The following DRD1 variants were observed in gnomAD, a reference collection of about 807,000 sequenced individuals.
DRD1 encodes the protein D(1A) dopamine receptor.
DRD1 carries 2 observed loss-of-function variants against 23.8 expected under a neutral mutation model. The ratio of observed to expected loss-of-function variants is 0.08; its 90% CI spans 0.03 to 0.26. The LOEUF is 0.26. Among genes scored for constraint, DRD1 ranks in the 10% least tolerant of loss-of-function variants. The pLI, the probability that DRD1 is intolerant of heterozygous loss-of-function variation, is 1.00. For synonymous variants in DRD1, 218 were observed against 225.7 expected, an observed-to-expected ratio of 0.97 and a Z score of 0.30; for missense variants, 376 against 559.0, an observed-to-expected ratio of 0.67 and a Z score of 3.30.
Position 175,441,390 on chromosome 5 carries a change from C to T in DRD1, c.*369G>A, listed in dbSNP as rs1758515812. The T allele has an allele frequency of 5.6e-6, 1 of 178,388 alleles. No individual in the cohort carries two copies. The highest frequency in any genetic ancestry group is 1.2e-5 in the Non-Finnish European group (1 of 83,802). 11.1% of individuals were successfully genotyped at this position (178,388 alleles called of 1,614,324 possible). On this transcript the variant is annotated 3_prime_UTR_variant, in exon 2 of 2. Transcript: ENST00000393752. ...AACAGTGTTAGCACCTGTTTGTATA[C>T]AGCAAACTCAACCCATCTCATTTTC...
At position 175,442,389 on chromosome 5, in the gene DRD1, G is replaced by T. The variant is rs777655360; in HGVS notation, c.711C>A (p.His237Gln). 7 of 1,614,050 alleles carry T rather than the reference G, an allele frequency of 4.3e-6. No individual in the cohort carries two copies. Among genetic ancestry groups the T allele is most frequent in the Non-Finnish European group, 5.9e-6 (7 of 1,180,038 alleles). Residue 237 changes from histidine to glutamine, a missense_variant, in exon 2 of 2, where the codon CAC (histidine) becomes CAA (glutamine). Coordinates refer to ENST00000393752, the MANE Select transcript of DRD1 (RefSeq NM_000794.5). The surrounding 1 kb of genome is among the most constrained non-coding windows in gnomAD (Gnocchi z 7.3). ...RIAALERAAV[H>Q]AKNCQTTTGN... Reference sequence around the variant, plus strand: ...CTGTGGTGGTCTGGCAATTCTTGGCGTGGACTGCTGCCCTCTCCAAGGCCG... The same window carrying T: ...CTGTGGTGGTCTGGCAATTCTTGGCTTGGACTGCTGCCCTCTCCAAGGCCG...
chr5:175,441,530 T>C lies in DRD1; in HGVS notation c.*229A>G. 1 of 441,746 alleles carries C rather than the reference T, an allele frequency of 2.3e-6. No individual in the cohort carries two copies. The highest frequency in any genetic ancestry group is 3.9e-6 in the Non-Finnish European group (1 of 256,586). 27.4% of individuals were successfully genotyped at this position (441,746 alleles called of 1,614,324 possible). A position where few individuals can be genotyped will look rare whatever the true frequency, so the allele number is the denominator to read the frequency against. The stretch of plus-strand genomic sequence containing the variant: ...AAACAATTCTGAAGCCAAAGACATG[T>C]CCCTTATGGCTCCCCATGTTTGTAG... On this transcript the variant is annotated 3_prime_UTR_variant, in exon 2 of 2. Transcript: ENST00000393752.
rs1254765897 is a variant in DRD1, at chr5:175,440,939, G to A, written c.*820C>T. 1.3e-5 allele frequency: 2 copies of A among 152,474 alleles called. No homozygotes were observed. The highest frequency in any genetic ancestry group is 2.9e-5 in the Non-Finnish European group (2 of 68,018). The allele number at this position is 152,474 out of a possible 1,614,324, so 9.4% of individuals were successfully genotyped here. ...TTTTCAGAAAAAGAAAGCATTTATA[G>A]CATTTGTCAATTCTCACCTTGCATT... On this transcript the variant is annotated 3_prime_UTR_variant, in exon 2 of 2. Transcript: ENST00000393752.
Position 175,442,128 on chromosome 5 carries a change from T to C in DRD1, c.972A>G (p.Ser324=). Residue 324 remains serine, a synonymous_variant, in exon 2 of 2, where the codon TCA becomes TCG. Transcript: ENST00000393752. The surrounding 1 kb of genome is among the most constrained non-coding windows in gnomAD (Gnocchi z 7.3). ...AGGCATAAATGATGGGGTTCAAGGA[T>C]GAATTAGCCCACCCAAACCACACAA... is the stretch of plus-strand genomic sequence containing the variant. The part of the protein sequence containing the change: ...DVFVWFGWAN[S]SLNPIIYAFN... 4.3e-6 allele frequency: 7 copies of C among 1,614,114 alleles called. No homozygotes were observed. In the South Asian group the frequency reaches 6.6e-5, roughly 15 times the overall value.
Position 175,443,042 on chromosome 5 carries a change from A to C in DRD1, c.58T>G (p.Phe20Val). 1 of 1,614,190 alleles carries C rather than the reference A, an allele frequency of 6.2e-7. No individual in the cohort carries two copies. Among genetic ancestry groups the C allele is most frequent in the Non-Finnish European group, 8.5e-7 (1 of 1,180,026 alleles). Residue 20 changes from phenylalanine to valine, a missense_variant, in exon 2 of 2, where the codon TTC becomes GTC. Physicochemically the swap from Phe to Val is conservative, Grantham distance 50 (BLOSUM62 -1). Around this residue, in one of 5 missense-constraint regions of DRD1, gnomAD observed 47 missense variants for 39.4 expected, o/e 1.19. Transcript: ENST00000393752. ...DGTGLVVERD[F>V]SVRILTACFL... ...CAGGCAGTGAGGATACGAACAGAGA[A>C]GTCCCTCTCCACCACCAGCCCAGTC...
rs748030620 is a variant in DRD1 at position 175,442,980 on chromosome 5, C to T, written c.120G>A (p.Gly40=). The T allele has an allele frequency of 1.8e-5, 29 of 1,613,960 alleles. No individual in the cohort carries two copies. Among genetic ancestry groups the T allele is most frequent in the Non-Finnish European group, 2.4e-5 (28 of 1,180,036 alleles). ...TAACGGCAGCACAGACCAGCGTGTTCCCCAGGAGCGTGGACAGGATGAGCA... is the reference window on the plus strand; with the variant it reads ...TAACGGCAGCACAGACCAGCGTGTTTCCCAGGAGCGTGGACAGGATGAGCA... ...LSLLILSTLL[G]NTLVCAAVIR... is the part of the protein sequence containing the mutation. The change falls in exon 2 of 2, where the codon GGG becomes GGA. Residue 40 remains glycine (G), a synonymous_variant. Coordinates refer to ENST00000393752, the MANE Select transcript of DRD1 (RefSeq NM_000794.5). This position sits in a 1 kb window ranked among gnomAD's most constrained non-coding sequence, Gnocchi z 7.3.
chr5:175,442,804 C>G lies in DRD1; in HGVS notation c.296G>C (p.Trp99Ser). The stretch of plus-strand genomic sequence containing the variant: ...GGAGCACATGATGTCAAAGGCCACC[C>G]AGATGTTACAGAAGGACCCAAAGGG... ...FWPFGSFCNIWVAFDIMCSTA... is the reference protein window; with the variant it reads ...FWPFGSFCNISVAFDIMCSTA... The change falls in exon 2 of 2, where the codon TGG (tryptophan) becomes TCG (serine). Residue 99 changes from tryptophan (W) to serine (S), a missense_variant. Coordinates refer to ENST00000393752, the MANE Select transcript of DRD1 (RefSeq NM_000794.5). This position sits in a 1 kb window ranked among gnomAD's most constrained non-coding sequence, Gnocchi z 7.3. The G allele has an allele frequency of 6.2e-7, 1 of 1,614,066 alleles. No individual in the cohort carries two copies. Among genetic ancestry groups the G allele is most frequent in the Non-Finnish European group, 8.5e-7 (1 of 1,180,034 alleles).
In DRD1 at chr5:175,442,275, C is replaced by T. The variant is rs201944827; in HGVS notation, c.825G>A (p.Ser275=). 73 of 1,614,080 alleles carry T rather than the reference C, an allele frequency of 4.5e-5. 1 individual carries two copies. The highest frequency in any genetic ancestry group is 5.8e-5 in the Non-Finnish European group (69 of 1,180,036). ...KRETKVLKTL[S]VIMGVFVCCW... ...AGCACACAAACACACCCATGATCAC[C>T]GACAGAGTCTTCAGGACTTTAGTTT... Residue 275 remains serine, a synonymous_variant, in exon 2 of 2, where the codon TCG becomes TCA. Coordinates refer to ENST00000393752, the MANE Select transcript of DRD1 (RefSeq NM_000794.5). This position sits in a 1 kb window ranked among gnomAD's most constrained non-coding sequence, Gnocchi z 7.3.
In DRD1 at chr5:175,441,913, C is replaced by A. The variant is rs1308588508; in HGVS notation, c.1187G>T (p.Gly396Val). 1 of 1,614,008 alleles carries A rather than the reference C, an allele frequency of 6.2e-7. No individual in the cohort carries two copies. Among genetic ancestry groups the A allele is most frequent in the African/African-American group, 1.3e-5 (1 of 74,914 alleles). The part of the protein sequence containing the change: ...NLVYLIPHAV[G>V]SSEDLKKEEA... The stretch of plus-strand genomic sequence containing the variant: ...CTCCTTTTTCAGGTCCTCAGAGGAG[C>A]CCACAGCATGTGGGATCAGGTAAAC... The change falls in exon 2 of 2, where the codon GGC becomes GTC. Residue 396 changes from glycine (G) to valine (V), a missense_variant. By Grantham distance (109) the Gly-to-Val change is moderately radical. Coordinates refer to ENST00000393752, the MANE Select transcript of DRD1 (RefSeq NM_000794.5).
In DRD1 at chr5:175,443,490, G is replaced by A. The variant is rs1296933011; in HGVS notation, c.-391C>T. Reference sequence around the variant, plus strand: ...TTTCGGGGCTGTTGCTTTTCTGGTGGTGACAGGAGATTCTCCCCTTCTGAG... The same window carrying A: ...TTTCGGGGCTGTTGCTTTTCTGGTGATGACAGGAGATTCTCCCCTTCTGAG... On this transcript the variant is annotated 5_prime_UTR_variant, in exon 2 of 2. Coordinates refer to ENST00000393752, the MANE Select transcript of DRD1 (RefSeq NM_000794.5). The A allele has an allele frequency of 4.7e-6, 1 of 211,478 alleles. No homozygotes were observed. The highest frequency in any genetic ancestry group is 1.0e-5 in the Non-Finnish European group (1 of 95,290). 13.1% of individuals were successfully genotyped at this position (211,478 alleles called of 1,614,324 possible). A position where few individuals can be genotyped will look rare whatever the true frequency, so the allele number is the denominator to read the frequency against.
Position 175,442,660 on chromosome 5 carries a change from G to T in DRD1, c.440C>A (p.Ala147Glu). 1.9e-6 allele frequency: 3 copies of T among 1,614,160 alleles called. No individual in the cohort carries two copies. ...GGAGATGAGTACAGACAAGGTCCATGCCACACTGATCAGGATGAAGGCTGC... is the reference window on the plus strand; with the variant it reads ...GGAGATGAGTACAGACAAGGTCCATTCCACACTGATCAGGATGAAGGCTGC... ...PKAAFILISV[A>E]WTLSVLISFI... The change falls in exon 2 of 2, where the codon GCA (alanine) becomes GAA (glutamate). Residue 147 changes from alanine (A) to glutamate (E), a missense_variant. Coordinates refer to ENST00000393752, the MANE Select transcript of DRD1 (RefSeq NM_000794.5). This position sits in a 1 kb window ranked among gnomAD's most constrained non-coding sequence, Gnocchi z 7.3.
At position 175,442,032 on chromosome 5, in the gene DRD1, A is replaced by G; in HGVS notation, c.1068T>C (p.Asn356=). The part of the protein sequence containing the change: ...GCYRLCPATN[N]AIETVSINNN... ...TATTGATACTCACCGTCTCTATGGCATTATTCGTCGCAGGGCAAAGTCTGT... is the reference window on the plus strand; with the variant it reads ...TATTGATACTCACCGTCTCTATGGCGTTATTCGTCGCAGGGCAAAGTCTGT... Residue 356 remains asparagine, a synonymous_variant, in exon 2 of 2, where the codon AAT becomes AAC. Transcript: ENST00000393752. This position sits in a 1 kb window ranked among gnomAD's most constrained non-coding sequence, Gnocchi z 7.3. 6.2e-7 allele frequency: 1 copy of G among 1,614,134 alleles called. No homozygotes were observed. The highest frequency in any genetic ancestry group is 8.5e-7 in the Non-Finnish European group (1 of 1,180,040).
chr5:175,443,108 G>A lies in DRD1; in HGVS notation c.-9C>T, dbSNP rs565482170. 1.9e-6 allele frequency: 3 copies of A among 1,610,616 alleles called. No individual in the cohort carries two copies. Among genetic ancestry groups the A allele is most frequent in the Admixed American group, 1.7e-5 (1 of 59,778 alleles). On this transcript the variant is annotated 5_prime_UTR_variant, in exon 2 of 2. Coordinates refer to ENST00000393752, the MANE Select transcript of DRD1 (RefSeq NM_000794.5). The stretch of plus-strand genomic sequence containing the variant: ...GTGTTCAGAGTCCTCATCTTCCTAA[G>A]AGAAAGCACATCAGGGGCTCTGACA...
At position 175,444,102 on chromosome 5, in the gene DRD1, TC is replaced by T. The variant is rs909638758; in HGVS notation, c.-888del. 59 of 152,022 alleles carry T rather than the reference TC, an allele frequency of 3.9e-4. No individual in the cohort carries two copies. Among genetic ancestry groups the T allele is most frequent in the African/African-American group, 1.1e-3 (44 of 41,434 alleles). The allele number at this position is 152,022 out of a possible 1,614,324, so 9.4% of individuals were successfully genotyped here. On this transcript the variant is annotated 5_prime_UTR_variant, in exon 1 of 2. Coordinates refer to ENST00000393752, the MANE Select transcript of DRD1 (RefSeq NM_000794.5). ...GCCCTACAGAGCAGGGCCCCGCGCC[TC>T]CCCGCAGGCACTGCCCGCGACCTCT... is the stretch of plus-strand genomic sequence containing the variant.
rs1384812895 is a variant in DRD1 at position 175,440,527 on chromosome 5, A to G, written c.*1232T>C. ...AAAATCAGCTCTAAATTCAGATTAA[A>G]GCACTATAAAAAGTAGCCCCACTGA... On this transcript the variant is annotated 3_prime_UTR_variant, in exon 2 of 2. Coordinates refer to ENST00000393752, the MANE Select transcript of DRD1 (RefSeq NM_000794.5). 1 of 152,628 alleles carries G rather than the reference A, an allele frequency of 6.6e-6. No individual in the cohort carries two copies. The highest frequency in any genetic ancestry group is 1.9e-4 in the East Asian group (1 of 5,194). 9.5% of individuals were successfully genotyped at this position (152,628 alleles called of 1,614,324 possible).
At position 175,440,859 on chromosome 5, in the gene DRD1, A is replaced by G. The variant is rs1211829304; in HGVS notation, c.*900T>C. ...AATTCCCCTGGGAAAGTCATTTGTC[A>G]TTTAAAACGTTTTGAACACAGTAGT... On this transcript the variant is annotated 3_prime_UTR_variant, in exon 2 of 2. Transcript: ENST00000393752. The G allele has an allele frequency of 6.6e-6, 1 of 152,612 alleles. No homozygotes were observed. The highest frequency in any genetic ancestry group is 3.2e-3 in the Middle Eastern group (1 of 316). 9.5% of individuals were successfully genotyped at this position (152,612 alleles called of 1,614,324 possible). A position where few individuals can be genotyped will look rare whatever the true frequency, so the allele number is the denominator to read the frequency against.
chr5:175,441,201 T>C lies in DRD1; in HGVS notation c.*558A>G, dbSNP rs1041909839. 5.3e-5 allele frequency: 8 copies of C among 151,744 alleles called. No homozygotes were observed. The highest frequency in any genetic ancestry group is 2.0e-4 in the Admixed American group (3 of 15,214). 9.4% of individuals were successfully genotyped at this position (151,744 alleles called of 1,614,324 possible). On this transcript the variant is annotated 3_prime_UTR_variant, in exon 2 of 2. Coordinates refer to ENST00000393752, the MANE Select transcript of DRD1 (RefSeq NM_000794.5). Reference sequence around the variant, plus strand: ...AAATATATATTTATTATATCATAAATTAAAAATATCCATATATACAATAAA... The same window carrying C: ...AAATATATATTTATTATATCATAAACTAAAAATATCCATATATACAATAAA...
In DRD1 at chr5:175,441,594, C is replaced by T. The variant is rs1758518582; in HGVS notation, c.*165G>A. The stretch of plus-strand genomic sequence containing the variant: ...TTGACTATGAACAACACAGAAAATA[C>T]ACTGGAATGTATTTGGAAACGGAGT... On this transcript the variant is annotated 3_prime_UTR_variant, in exon 2 of 2. Coordinates refer to ENST00000393752, the MANE Select transcript of DRD1 (RefSeq NM_000794.5). 2 of 829,190 alleles carry T rather than the reference C, an allele frequency of 2.4e-6. No homozygotes were observed. Among genetic ancestry groups the T allele is most frequent in the Admixed American group, 3.0e-5 (1 of 33,662 alleles). The allele number at this position is 829,190 out of a possible 1,614,324, so 51.4% of individuals were successfully genotyped here.
chr5:175,442,068 G>A lies in DRD1; in HGVS notation c.1032C>T (p.Leu344=), dbSNP rs1758532401. The A allele has an allele frequency of 1.2e-6, 2 of 1,614,028 alleles. No homozygotes were observed. The highest frequency in any genetic ancestry group is 1.3e-5 in the African/African-American group (1 of 74,908). Residue 344 remains leucine (L), a synonymous_variant, in exon 2 of 2, where the codon CTC becomes CTT. Transcript: ENST00000393752. The surrounding 1 kb of genome is among the most constrained non-coding windows in gnomAD (Gnocchi z 7.3). ...CAGGGCAAAGTCTGTAGCATCCTAA[G>A]AGGGTTGAAAATGCCTTCCGAAAAT... ...NADFRKAFST[L]LGCYRLCPAT...
Sources: allele counts gnomAD v4.1 joint callset, GRCh38; gene constraint gnomAD v4.1.1; regional missense constraint gnomAD v4.1.1; non-coding constraint Gnocchi (gnomAD v3.1); transcripts MANE v1.5; gene names NCBI Gene and HGNC (gene_info 2026-07-23, HGNC 2026-07-21).